Variants in SEPTIN11 observed in about 807,000 individuals in gnomAD.
The protein encoded by SEPTIN11 is septin-11.
Under a neutral mutation model 51.4 loss-of-function variants are expected in SEPTIN11, and 25 were observed. The observed-to-expected ratio is 0.49, with a 90% CI of 0.35 to 0.68. SEPTIN11 has a LOEUF of 0.68. SEPTIN11 is among the 30% of genes least tolerant of loss of function. The pLI, the probability that SEPTIN11 is intolerant of heterozygous loss-of-function variation, is 0.00. For missense variants in SEPTIN11, 381 were observed against 520.8 expected (o/e 0.73, Z 2.61); for synonymous variants, 174 against 184.1 (o/e 0.95, Z 0.44).
At chr4:76,962,412 T>C (rs548815266) in intron 1 of SEPTIN11, among the ~76,000 whole-genome samples, 1 of 152,376 alleles carries the variant, frequency 6.6e-6, no homozygotes, top group East Asian at 1.9e-4. Flanking sequence ...CTAATAGTCT[T>C]AGCTTAAGGG....
intron 2 of SEPTIN11, 94 bp from the exon 3 acceptor site, chr4:77,005,507 T>C (rs1432531207): frequency 1.7e-6 from 2 of 1,178,136 alleles, no homozygotes; most frequent in Non-Finnish European, 2.4e-6. Flanking sequence ...TTTTTTAAAC[T>C]TTATAATCAT....
chr4:77,025,058 C>T (rs1046053903), intron 7 of SEPTIN11, among the ~76,000 whole-genome samples: 4 of 152,168 alleles, frequency 2.6e-5, no homozygotes, highest in East Asian at 1.9e-4. Context: ...TTCGTTCTCT[C>T]TTCCTTTGAC....
At chr4:76,963,164 A>G (rs1721890540) in intron 1 of SEPTIN11, among the ~76,000 whole-genome samples, 1 of 152,236 alleles carries the variant, frequency 6.6e-6, no homozygotes, top group Non-Finnish European at 1.5e-5. Flanking sequence ...GAAATGTGTG[A>G]TTTCTTAAAC....
At chr4:77,022,703 G>A (rs1725803702) in intron 7 of SEPTIN11, among the ~76,000 whole-genome samples, 1 of 152,204 alleles carries the variant, frequency 6.6e-6, no homozygotes, top group South Asian at 2.1e-4. Flanking sequence ...GCATGTGACT[G>A]CTTCTTGAGT....
At chr4:76,966,175 AAGTAGTTGG>A (rs1333417130) in intron 1 of SEPTIN11, among the ~76,000 whole-genome samples, 1 of 152,206 alleles carries the variant, frequency 6.6e-6, no homozygotes. Context: ...TGGAGAGAGT[AAGTAGTTGG>A]ATGGCGCCCT....
intron 1 of SEPTIN11, among the ~76,000 whole-genome samples, chr4:76,967,627 T>C (rs1205057039): frequency 6.6e-6 from 1 of 152,266 alleles, no homozygotes; most frequent in African/African-American, 2.4e-5. Flanking sequence ...TTAAAAATAC[T>C]GTGTGGGTCA....
intron 4 of SEPTIN11, among the ~76,000 whole-genome samples, chr4:77,013,063 A>T (rs1724989647): frequency 6.6e-6 from 1 of 152,186 alleles, no homozygotes; most frequent in South Asian, 2.1e-4. Context: ...CCCTGTTCTC[A>T]AGAGTGCCCC....
intron 2 of SEPTIN11, among the ~76,000 whole-genome samples, chr4:76,999,745 G>T (rs1392260507): frequency 6.6e-6 from 1 of 152,170 alleles, no homozygotes; most frequent in African/African-American, 2.4e-5. Flanking sequence ...ACCCATCTCT[G>T]TTGGTCCTGG....
downstream of SEPTIN11, chr4:77,040,126 A>T (rs1727276806): frequency 6.6e-6 from 1 of 152,136 alleles, no homozygotes; most frequent in African/African-American, 2.4e-5. Context: ...TCTGGGGTTC[A>T]ATTTATATTT....
chr4:77,002,766 GT>G (rs1368936454), intron 2 of SEPTIN11, among the ~76,000 whole-genome samples: 58 of 143,440 alleles, frequency 4.0e-4, no homozygotes, highest in Admixed American at 4.9e-4. Context: ...TTTATGGAGG[GT>G]TTTTTTTTTT....
intron 9 of SEPTIN11, 159 bp downstream of exon 9, chr4:77,031,129 A>C: frequency 1.5e-6 from 1 of 672,500 alleles, no homozygotes; most frequent in Non-Finnish European, 2.4e-6. Flanking sequence ...AAGGTTTTTA[A>C]ATTTTTTTAA....
chr4:76,985,691 G>GGGAA (rs1722989868), intron 1 of SEPTIN11, among the ~76,000 whole-genome samples: 1 of 152,202 alleles, frequency 6.6e-6, no homozygotes, highest in Admixed American at 6.5e-5. Flanking sequence ...GTGTAATGGA[G>GGGAA]GGAAGGTGGG....
At position 77,034,652 on chromosome 4, in the gene SEPTIN11, C is replaced by T. The variant is rs1050990286; in HGVS notation, c.*140C>T. On this transcript the variant is annotated 3_prime_UTR_variant, in exon 10 of 10. Coordinates refer to ENST00000264893, the MANE Select transcript of SEPTIN11 (RefSeq NM_018243.4). ...CAAACACCAGTAACTATTATTAACT[C>T]GTTTTGCTGAATGTTGTTGGGTGGT... 8 of 1,328,848 alleles carry T rather than the reference C, an allele frequency of 6.0e-6. No individual in the cohort carries two copies. The highest frequency in any genetic ancestry group is 4.0e-5 in the Admixed American group (1 of 24,882). 82.3% of individuals were successfully genotyped at this position (1,328,848 alleles called of 1,614,324 possible).
At chr4:76,992,565 G>T (rs1388242519) in intron 1 of SEPTIN11, among the ~76,000 whole-genome samples, 1 of 152,204 alleles carries the variant, frequency 6.6e-6, no homozygotes, top group Non-Finnish European at 1.5e-5. Context: ...GGGTAACAAT[G>T]TAACTAATTT....
chr4:76,964,984 A>G (rs541146371), intron 1 of SEPTIN11, among the ~76,000 whole-genome samples: 3 of 152,282 alleles, frequency 2.0e-5, no homozygotes, highest in African/African-American at 7.2e-5. Context: ...CACTTGCCAG[A>G]ACGACTGATT....
intron 1 of SEPTIN11, among the ~76,000 whole-genome samples, chr4:76,959,391 G>A (rs1486206732): frequency 1.3e-5 from 2 of 151,408 alleles, no homozygotes; most frequent in Non-Finnish European, 2.9e-5. Flanking sequence ...TGAGGTTACA[G>A]TTATGAGCCA....
At position 77,036,697 on chromosome 4, in the gene SEPTIN11, G is replaced by C; in HGVS notation, c.*2185G>C. ...TGCTTCTGAACTTTTTTCTGCCACT[G>C]CTCCCTAGCCCTGTTTAGTTTGTTA... On this transcript the variant is annotated 3_prime_UTR_variant, in exon 10 of 10. Transcript: ENST00000264893. The C allele has an allele frequency of 1.3e-6, 2 of 1,527,134 alleles. No individual in the cohort carries two copies. The highest frequency in any genetic ancestry group is 1.7e-6 in the Non-Finnish European group (2 of 1,144,140). 94.6% of individuals were successfully genotyped at this position (1,527,134 alleles called of 1,614,324 possible).
Position 77,034,945 on chromosome 4 carries a change from G to A in SEPTIN11, c.*433G>A. 1 of 988,378 alleles carries A rather than the reference G, an allele frequency of 1.0e-6. No individual in the cohort carries two copies. The highest frequency in any genetic ancestry group is 4.7e-5 in the South Asian group (1 of 21,354). 61.2% of individuals were successfully genotyped at this position (988,378 alleles called of 1,614,324 possible). A position where few individuals can be genotyped will look rare whatever the true frequency, so the allele number is the denominator to read the frequency against. ...TTTTCTTGATGATTCATCTCCATGA[G>A]TGCACAATCCCTGAACTCACTGTCT... On this transcript the variant is annotated 3_prime_UTR_variant, in exon 10 of 10. Transcript: ENST00000264893.
At position 77,036,693 on chromosome 4, in the gene SEPTIN11, C is replaced by A; in HGVS notation, c.*2181C>A. ...GTATTGCTTCTGAACTTTTTTCTGC[C>A]ACTGCTCCCTAGCCCTGTTTAGTTT... On this transcript the variant is annotated 3_prime_UTR_variant, in exon 10 of 10. Coordinates refer to ENST00000264893, the MANE Select transcript of SEPTIN11 (RefSeq NM_018243.4). The A allele has an allele frequency of 6.5e-7, 1 of 1,528,216 alleles. No homozygotes were observed. The highest frequency in any genetic ancestry group is 1.2e-5 in the South Asian group (1 of 81,814). The allele number at this position is 1,528,216 out of a possible 1,614,324, so 94.7% of individuals were successfully genotyped here.
Sources: gnomAD v4.1 joint callset for allele counts (sites outside exome capture counted in the v4.1 genomes callset) on GRCh38, gnomAD v4.1.1 for gene constraint, MANE v1.5 for transcripts, NCBI Gene and HGNC (gene_info 2026-07-23, HGNC 2026-07-21) for gene names.